The following HADHA variants were observed in gnomAD, a reference collection of about 807,000 sequenced individuals.
The protein encoded by HADHA is trifunctional enzyme subunit alpha, mitochondrial.
In HADHA, 59 loss-of-function variants were observed where a neutral mutation model predicts 91.3. That is an observed-to-expected ratio of 0.65 (90% confidence interval 0.52 to 0.80). The LOEUF is 0.80. HADHA is among the 30% of genes least tolerant of loss of function. HADHA has a pLI of 0.00. For synonymous variants in HADHA, 320 were observed against 338.9 expected (o/e 0.94, Z 0.61); for missense variants, 800 against 927.6 (o/e 0.86, Z 1.79).
At chr2:26,215,958 C>T (rs578073460) in intron 7 of HADHA, among the ~76,000 whole-genome samples, 25 of 152,300 alleles carry the variant, frequency 1.6e-4, no homozygotes, top group African/African-American at 5.8e-4. Flanking sequence ...CTTGAACCTG[C>T]TTGGGGCAAG....
At chr2:26,216,753 A>G (rs1670231264) in intron 7 of HADHA, among the ~76,000 whole-genome samples, 1 of 152,170 alleles carries the variant, frequency 6.6e-6, no homozygotes, top group African/African-American at 2.4e-5. Flanking sequence ...GGGCAGCTGG[A>G]ATCTGTGACG....
At chr2:26,225,148 G>A (rs1670456994) in intron 7 of HADHA, among the ~76,000 whole-genome samples, 1 of 152,046 alleles carries the variant, frequency 6.6e-6, no homozygotes. Flanking sequence ...ATTCTATCAA[G>A]TATTTAAGAA....
chr2:26,230,113 G>A (rs1224361557), intron 7 of HADHA, 79 bp downstream of exon 7: 3 of 886,484 alleles, frequency 3.4e-6, no homozygotes, highest in East Asian at 5.1e-5. Context: ...GTGAGCCACC[G>A]TGCCTGGCCT....
intron 2 of HADHA, 34 bp downstream of exon 2, chr2:26,239,068 G>T (rs1384126438): frequency 6.3e-7 from 1 of 1,577,824 alleles, no homozygotes; most frequent in Non-Finnish European, 8.7e-7. Flanking sequence ...AAAAAGCAAT[G>T]TAAGCATACA....
chr2:26,236,745 G>T (rs1213155102), intron 4 of HADHA, 110 bp downstream of exon 4: 2 of 847,568 alleles, frequency 2.4e-6, no homozygotes, highest in Non-Finnish European at 3.9e-6. Flanking sequence ...TTACAGGCCT[G>T]TGTCACTGTG....
rs1297195000 is a variant in HADHA, at chr2:26,229,512, G to GT, written c.676+679dup. ...AGGCAAAGAAACTGAATGGGAGGAA[G>GT]TAGCCCATCAGTAGATATCAATTAT... On this transcript the variant is annotated intron_variant, in intron 7 of 19. Transcript: ENST00000380649. This position sits in a 1 kb window ranked among gnomAD's most constrained non-coding sequence, Gnocchi z 4.3. Among the ~76,000 whole-genome samples the GT allele has an allele frequency of 6.6e-6, 1 of 152,276 alleles. No homozygotes were observed.
At chr2:26,207,802 T>TA (rs1183589356) in intron 11 of HADHA, among the ~76,000 whole-genome samples, 1 of 152,226 alleles carries the variant, frequency 6.6e-6, no homozygotes, top group Non-Finnish European at 1.5e-5. Context: ...GCTCTTCACT[T>TA]ATTAGAACTG....
At chr2:26,242,813 G>A (rs13412462) in intron 1 of HADHA, among the ~76,000 whole-genome samples, 2,434 of 152,294 alleles carry the variant, frequency 0.016, 65 homozygotes, top group African/African-American at 0.055. Flanking sequence ...GTGCTGTGGC[G>A]CGATCTCGGC....
chr2:26,238,350 G>A (rs1670812378), intron 3 of HADHA, among the ~76,000 whole-genome samples: 1 of 152,120 alleles, frequency 6.6e-6, no homozygotes, highest in African/African-American at 2.4e-5. Flanking sequence ...TTAGATGGGG[G>A]AAAAGCATGG....
intron 7 of HADHA, among the ~76,000 whole-genome samples, chr2:26,223,152 A>C (rs1442499850): frequency 2.0e-5 from 3 of 152,198 alleles, no homozygotes; most frequent in South Asian, 4.1e-4. Context: ...GATTCTACTG[A>C]ACTGTTAGTT....
At chr2:26,219,310 T>C (rs1431797822) in intron 7 of HADHA, among the ~76,000 whole-genome samples, 1 of 151,952 alleles carries the variant, frequency 6.6e-6, no homozygotes, top group Non-Finnish European at 1.5e-5. Context: ...GTATTTTTAG[T>C]AGAGATGGGG....
chr2:26,239,959 G>C (rs887734010), intron 1 of HADHA, among the ~76,000 whole-genome samples: 1 of 152,176 alleles, frequency 6.6e-6, no homozygotes, highest in Non-Finnish European at 1.5e-5. Flanking sequence ...TCAATCCCCA[G>C]TGCCTCTACT....
At chr2:26,202,548 C>T (rs568380732) in intron 12 of HADHA, among the ~76,000 whole-genome samples, 2 of 152,284 alleles carry the variant, frequency 1.3e-5, no homozygotes, top group African/African-American at 4.8e-5. Flanking sequence ...CAAGACAAGC[C>T]TAACCAACAT....
In HADHA at chr2:26,209,700, G is replaced by T. The variant is rs1265261339; in HGVS notation, c.1085+80C>A. 3.7e-6 allele frequency: 3 copies of T among 803,854 alleles called. No homozygotes were observed. The African/African-American group carries it at 5.0e-5, about 14-fold the overall frequency. 49.8% of individuals were successfully genotyped at this position (803,854 alleles called of 1,614,324 possible). A position where few individuals can be genotyped will look rare whatever the true frequency, so the allele number is the denominator to read the frequency against. The stretch of plus-strand genomic sequence containing the variant: ...AAGACTGAATTAAGATACAGATCTA[G>T]CTCTGTAGATCTTCAAAGCCTCTGT... On this transcript the variant is annotated intron_variant, in intron 11 of 19. Coordinates refer to ENST00000380649, the MANE Select transcript of HADHA (RefSeq NM_000182.5).
intron 1 of HADHA, among the ~76,000 whole-genome samples, chr2:26,240,257 C>T (rs1194966933): frequency 6.6e-6 from 1 of 152,126 alleles, no homozygotes; most frequent in African/African-American, 2.4e-5. Flanking sequence ...TATATTGTGA[C>T]CTCCATGTGC....
intron 1 of HADHA, among the ~76,000 whole-genome samples, chr2:26,242,872 C>T (rs542237709): frequency 4.6e-5 from 7 of 152,354 alleles, no homozygotes; most frequent in African/African-American, 1.7e-4. Flanking sequence ...CTGCCTCAGC[C>T]TCCCGAGTAG....
Position 26,215,067 on chromosome 2 carries a change from T to G in HADHA, c.785A>C (p.Lys262Thr), listed in dbSNP as rs749959461. ...ATGATACTCACTTTCCACCAATCCC[T>G]TGTCTCTCTTTGGAGAGATCTTCTT... is the stretch of plus-strand genomic sequence containing the variant. ...ADKKISPKRD[K>T]GLVEKLTAYA... Residue 262 changes from lysine to threonine, a missense_variant, in exon 8 of 20, where the codon AAG becomes ACG. Transcript: ENST00000380649. 10 of 1,609,472 alleles carry G rather than the reference T, an allele frequency of 6.2e-6. No homozygotes were observed. The highest frequency in any genetic ancestry group is 6.8e-6 in the Non-Finnish European group (8 of 1,175,818).
chr2:26,192,801 T>C (rs556118182), intron 17 of HADHA, among the ~76,000 whole-genome samples: 1 of 152,300 alleles, frequency 6.6e-6, no homozygotes, highest in African/African-American at 2.4e-5. Context: ...TGGTCTATTA[T>C]AAAGCTCTGG....
chr2:26,232,091 T>C, intron 6 of HADHA, 69 bp downstream of exon 6: 1 of 1,098,626 alleles, frequency 9.1e-7, no homozygotes, highest in Non-Finnish European at 1.4e-6. Context: ...ATGCCCATAT[T>C]ATGCATTTTA....
Sources: allele counts gnomAD v4.1 joint callset (sites outside exome capture counted in the v4.1 genomes callset), GRCh38; gene constraint gnomAD v4.1.1; non-coding constraint Gnocchi (gnomAD v3.1); transcripts MANE v1.5; gene names NCBI Gene and HGNC (gene_info 2026-07-23, HGNC 2026-07-21).